MOV10L1: variants seen among roughly 807,000 people sequenced by gnomAD.
MOV10L1 encodes the protein RNA helicase Mov10l1.
Under a neutral mutation model 143.8 loss-of-function variants are expected in MOV10L1, and 110 were observed. The ratio of observed to expected loss-of-function variants is 0.76; its 90% CI spans 0.66 to 0.90. The LOEUF is 0.90. Among genes scored for constraint, MOV10L1 ranks in the 40% least tolerant of loss-of-function variants. The pLI is 0.00. For synonymous variants in MOV10L1, 593 were observed against 581.1 expected, an observed-to-expected ratio of 1.02 and a Z score of -0.29; for missense variants, 1,406 against 1,526.8, an observed-to-expected ratio of 0.92 and a Z score of 1.32.
chr22:50,118,299 T>G (rs2062238686), intron 9 of MOV10L1, among the ~76,000 whole-genome samples: 1 of 152,034 alleles, frequency 6.6e-6, no homozygotes, highest in Non-Finnish European at 1.5e-5. Context: ...CTGAGCCTTG[T>G]TCTCATTGGT....
chr22:50,130,236 C>T (rs965129188), intron 13 of MOV10L1, among the ~76,000 whole-genome samples: 1 of 152,100 alleles, frequency 6.6e-6, no homozygotes, highest in African/African-American at 2.4e-5. Context: ...GATCATACTA[C>T]TGCACTCCAG....
intron 2 of MOV10L1, among the ~76,000 whole-genome samples, chr22:50,098,426 T>C (rs1247207334): frequency 6.6e-6 from 1 of 152,214 alleles, no homozygotes; most frequent in East Asian, 1.9e-4. Flanking sequence ...GTCTTCCATC[T>C]CCTTAGTTAG....
In MOV10L1 at chr22:50,099,513, G is replaced by A. The variant is rs775255128; in HGVS notation, c.353G>A (p.Arg118Gln). ...GGGAGTCCCTCAGACTGCGGCCCCC[G>A]AGTGTTGATTGGCTGTGTGACTTCC... ...NHGSPSDCGP[R>Q]VLIGCVTSLV... The change falls in exon 3 of 27, where the codon CGA becomes CAA. Residue 118 changes from arginine (R) to glutamine (Q), a missense_variant. Arg to Gln is a conservative substitution (Grantham distance 43). This residue lies in a region of MOV10L1 where 166 missense variants were observed against 153.9 expected (regional missense o/e 1.08). Coordinates refer to ENST00000262794, the MANE Select transcript of MOV10L1 (RefSeq NM_018995.3). The A allele has an allele frequency of 1.2e-5, 19 of 1,614,088 alleles. No homozygotes were observed. The highest frequency in any genetic ancestry group is 7.7e-5 in the South Asian group (7 of 91,084).
chr22:50,142,044 GTTTTT>G (rs1322582704), intron 15 of MOV10L1, 32 bp from the exon 16 acceptor site: 2 of 1,584,078 alleles, frequency 1.3e-6, no homozygotes, highest in Admixed American at 3.5e-5. Context: ...AAACACAGCT[GTTTTT>G]TTAAAACATT....
chr22:50,152,999 G>C lies in MOV10L1; in HGVS notation c.2893-46G>C. 1.9e-6 allele frequency: 3 copies of C among 1,539,194 alleles called. No homozygotes were observed. The Middle Eastern group carries it at 5.9e-4, about 301-fold the overall frequency. ...CCGCTTTTCGTTCGACAGAAACTGT[G>C]CCGGGTACCACCTTCCCCTTGTGAC... On this transcript the variant is annotated intron_variant, in intron 21 of 26. Transcript: ENST00000262794. This position sits in a 1 kb window ranked among gnomAD's most constrained non-coding sequence, Gnocchi z 4.4.
At chr22:50,147,832 G>T (rs1409106033) in intron 19 of MOV10L1, among the ~76,000 whole-genome samples, 1 of 152,232 alleles carries the variant, frequency 6.6e-6, no homozygotes, top group Non-Finnish European at 1.5e-5. Flanking sequence ...GGAAATGGCA[G>T]TTTGCTGATT....
chr22:50,157,441 C>T (rs1485126661), intron 22 of MOV10L1, among the ~76,000 whole-genome samples: 2 of 152,086 alleles, frequency 1.3e-5, no homozygotes. Context: ...TCCCTGTTTT[C>T]CTCCAAGAAT....
In MOV10L1 at chr22:50,136,559, A is replaced by G. The variant is rs370022651; in HGVS notation, c.2070+1929A>G. ...GAGAGGAAACAAATGAGGTGACCTC[A>G]TGGTTTTCCCAACTCACAGCCTTCC... On this transcript the variant is annotated intron_variant, in intron 15 of 26. Transcript: ENST00000262794. Among the ~76,000 whole-genome samples the G allele has an allele frequency of 8.5e-5, 13 of 152,368 alleles. No individual in the cohort carries two copies. The East Asian group carries it at 1.2e-3, about 14-fold the overall frequency.
intron 3 of MOV10L1, among the ~76,000 whole-genome samples, chr22:50,101,512 GGTTTT>G (rs761981778): frequency 4.6e-5 from 7 of 151,254 alleles, no homozygotes; most frequent in Non-Finnish European, 1.0e-4. Context: ...ACCTTTTGTG[GGTTTT>G]GTTTTTTTTT....
chr22:50,090,478 G>T, intron 1 of MOV10L1: 1 of 1,610,328 alleles, frequency 6.2e-7, no homozygotes, highest in Non-Finnish European at 8.5e-7. Context: ...GTCTCTCCAT[G>T]TCGTTCCTCC....
chr22:50,101,315 A>C (rs1473235092), intron 3 of MOV10L1, among the ~76,000 whole-genome samples: 2 of 152,144 alleles, frequency 1.3e-5, no homozygotes, highest in Admixed American at 6.5e-5. Context: ...TTCCAGGTTC[A>C]TGCCATTCTC....
intron 17 of MOV10L1, chr22:50,143,454 A>G (rs2063048043): frequency 5.6e-6 from 3 of 533,440 alleles, no homozygotes; most frequent in Non-Finnish European, 1.0e-5. Flanking sequence ...TTTTATCTGA[A>G]TCATGACATT....
chr22:50,134,787 G>A (rs563725291), intron 15 of MOV10L1, among the ~76,000 whole-genome samples, 157 bp downstream of exon 15: 9 of 152,322 alleles, frequency 5.9e-5, no homozygotes, highest in Non-Finnish European at 1.2e-4. Flanking sequence ...CCTTCTCGGA[G>A]TATTAGCGCT....
At chr22:50,130,578 G>A (rs1453778996) in intron 13 of MOV10L1, among the ~76,000 whole-genome samples, 1 of 92,044 alleles carries the variant, frequency 1.1e-5, no homozygotes, top group Non-Finnish European at 2.5e-5. Context: ...AGGACCAGGA[G>A]GGGGGTACTT....
At chr22:50,133,843 C>T (rs924868056) in intron 13 of MOV10L1, among the ~76,000 whole-genome samples, 164 bp from the exon 14 acceptor site, 17 of 152,078 alleles carry the variant, frequency 1.1e-4, no homozygotes, top group Middle Eastern at 3.4e-3. Flanking sequence ...CGCGCCCGTC[C>T]TCTCTAGTGT....
At chr22:50,150,640 G>T in intron 20 of MOV10L1, 95 bp from the exon 21 acceptor site, 1 of 1,392,748 alleles carries the variant, frequency 7.2e-7, no homozygotes. Flanking sequence ...AGTGAGCATG[G>T]GGCCATCCTG....
chr22:50,113,562 C>T (rs2062080496), intron 5 of MOV10L1, 86 bp from the exon 6 acceptor site: 2 of 1,531,994 alleles, frequency 1.3e-6, no homozygotes, highest in South Asian at 2.6e-5. Flanking sequence ...AGTGCCCCCA[C>T]CAGCAGTCTA....
At chr22:50,110,405 C>A (rs1470002617) in intron 5 of MOV10L1, among the ~76,000 whole-genome samples, 2 of 150,974 alleles carry the variant, frequency 1.3e-5, no homozygotes, top group Non-Finnish European at 2.9e-5. Context: ...GCCGAGATCG[C>A]GCCACTGCAC....
intron 5 of MOV10L1, among the ~76,000 whole-genome samples, chr22:50,109,488 T>C (rs1274061039): frequency 5.8e-5 from 8 of 138,856 alleles, no homozygotes; most frequent in Non-Finnish European, 4.8e-5. Context: ...GCTAACACGG[T>C]GAAACCCCGT....
Sources: gnomAD v4.1 joint callset for allele counts (sites outside exome capture counted in the v4.1 genomes callset) on GRCh38, gnomAD v4.1.1 for gene constraint, gnomAD v4.1.1 regional missense constraint, Gnocchi (gnomAD v3.1) non-coding constraint, MANE v1.5 for transcripts, NCBI Gene and HGNC (gene_info 2026-07-23, HGNC 2026-07-21) for gene names.